ADAMTSL1: variants seen among roughly 807,000 people sequenced by gnomAD.
ADAMTSL1 encodes ADAMTS-like protein 1.
A neutral mutation model predicts 201.8 loss-of-function variants in ADAMTSL1; 126 were observed. The observed-to-expected ratio is 0.62, with a 90% CI of 0.54 to 0.72. The LOEUF (loss-of-function observed/expected upper bound fraction) is 0.72. ADAMTSL1 is among the 30% of genes least tolerant of loss of function. The pLI is 0.00. For missense variants in ADAMTSL1, 2,679 were observed against 2,277.8 expected (o/e 1.18, Z -3.59); for synonymous variants, 1,121 against 903.4 (o/e 1.24, Z -4.32).
At chr9:18,481,510 T>A (rs1021576067) in intron 1 of ADAMTSL1, among the ~76,000 whole-genome samples, 1 of 152,174 alleles carries the variant, frequency 6.6e-6, no homozygotes, top group African/African-American at 2.4e-5. Flanking sequence ...AGTTTTTTTT[T>A]TTTTTAATTT....
intron 23 of ADAMTSL1, among the ~76,000 whole-genome samples, chr9:18,869,298 C>T (rs1827738847): frequency 6.6e-6 from 1 of 152,186 alleles, no homozygotes. Flanking sequence ...CCAAGGCCAC[C>T]CAGTTTGTGG....
At chr9:17,955,744 T>C (rs1827904165) in intron 1 of ADAMTSL1, among the ~76,000 whole-genome samples, 1 of 152,194 alleles carries the variant, frequency 6.6e-6, no homozygotes, top group Non-Finnish European at 1.5e-5. Flanking sequence ...TACTTTATTA[T>C]TATAGTTGTT....
At chr9:18,595,330 A>T (rs1298698279) in intron 4 of ADAMTSL1, among the ~76,000 whole-genome samples, 1 of 152,150 alleles carries the variant, frequency 6.6e-6, no homozygotes, top group Non-Finnish European at 1.5e-5. Flanking sequence ...ATTGGATCAG[A>T]TGGACATGCA....
At chr9:18,136,862 A>T (rs1033332915) in intron 1 of ADAMTSL1, among the ~76,000 whole-genome samples, 1 of 152,134 alleles carries the variant, frequency 6.6e-6, no homozygotes, top group African/African-American at 2.4e-5. Context: ...CTGCCTTTTA[A>T]AACAGTCACA....
At chr9:17,960,078 C>G (rs1406909150) in intron 1 of ADAMTSL1, among the ~76,000 whole-genome samples, 1 of 152,160 alleles carries the variant, frequency 6.6e-6, no homozygotes, top group African/African-American at 2.4e-5. Flanking sequence ...TGATTTCTGG[C>G]TTCATGATCC....
intron 2 of ADAMTSL1, among the ~76,000 whole-genome samples, chr9:18,315,740 C>G (rs1316713013): frequency 6.6e-6 from 1 of 152,194 alleles, no homozygotes; most frequent in Non-Finnish European, 1.5e-5. Context: ...GCAGAGGGAG[C>G]TAGCTCCGGC....
intron 2 of ADAMTSL1, among the ~76,000 whole-genome samples, chr9:18,290,490 G>T (rs1424265196): frequency 6.6e-6 from 1 of 152,116 alleles, no homozygotes; most frequent in Non-Finnish European, 1.5e-5. Flanking sequence ...GCCCCACAAA[G>T]CTAATAGCCA....
intron 1 of ADAMTSL1, among the ~76,000 whole-genome samples, chr9:18,022,653 T>G (rs962884920): frequency 6.6e-6 from 1 of 152,118 alleles, no homozygotes; most frequent in African/African-American, 2.4e-5. Flanking sequence ...ATGGAAACAG[T>G]CTTTACTAAG....
intron 2 of ADAMTSL1, among the ~76,000 whole-genome samples, chr9:18,181,484 A>G (rs1269216733): frequency 6.6e-6 from 1 of 151,870 alleles, no homozygotes; most frequent in African/African-American, 2.4e-5. Context: ...AAGGATATGA[A>G]CAGACACTTC....
intron 23 of ADAMTSL1, among the ~76,000 whole-genome samples, chr9:18,838,831 G>A (rs1008793851): frequency 3.4e-5 from 5 of 149,200 alleles, no homozygotes; most frequent in African/African-American, 4.9e-5. Flanking sequence ...AGCTATAATC[G>A]CACCACTACA....
chr9:18,231,681 C>T (rs978495024), intron 2 of ADAMTSL1, among the ~76,000 whole-genome samples: 1 of 152,154 alleles, frequency 6.6e-6, no homozygotes, highest in African/African-American at 2.4e-5. Flanking sequence ...CTTGAATATC[C>T]AACTGTGATA....
chr9:17,944,437 C>G (rs1355418668), intron 1 of ADAMTSL1, among the ~76,000 whole-genome samples: 2 of 152,092 alleles, frequency 1.3e-5, no homozygotes, highest in Non-Finnish European at 2.9e-5. Flanking sequence ...CTACCAAGGA[C>G]TTTCTTCACA....
intron 16 of ADAMTSL1, among the ~76,000 whole-genome samples, chr9:18,769,724 C>T (rs1588075706): frequency 2.6e-5 from 4 of 152,206 alleles, no homozygotes; most frequent in East Asian, 1.9e-4. Flanking sequence ...AAAGCACACA[C>T]AACCCTTCCG....
intron 19 of ADAMTSL1, among the ~76,000 whole-genome samples, chr9:18,783,657 G>A (rs1215863769): frequency 6.6e-6 from 1 of 152,190 alleles, no homozygotes; most frequent in Non-Finnish European, 1.5e-5. Flanking sequence ...ATTGAGCACA[G>A]AGCTGTTAGG....
At chr9:18,835,174 A>G (rs1045303286) in intron 23 of ADAMTSL1, among the ~76,000 whole-genome samples, 13 of 152,064 alleles carry the variant, frequency 8.5e-5, no homozygotes, top group Admixed American at 3.3e-4. Flanking sequence ...CTGTGTGTGT[A>G]GTGGTTTCTC....
chr9:18,555,904 A>G (rs1375603514), intron 3 of ADAMTSL1, among the ~76,000 whole-genome samples: 2 of 152,008 alleles, frequency 1.3e-5, no homozygotes, highest in Non-Finnish European at 2.9e-5. Flanking sequence ...TGAGGTATTT[A>G]TTGCATTGCC....
At chr9:18,724,090 G>T (rs1478091675) in intron 15 of ADAMTSL1, among the ~76,000 whole-genome samples, 2 of 152,150 alleles carry the variant, frequency 1.3e-5, no homozygotes, top group Admixed American at 1.3e-4. Flanking sequence ...GTCTTGGTCT[G>T]TGCTGCTATG....
intron 2 of ADAMTSL1, among the ~76,000 whole-genome samples, chr9:18,272,546 G>A (rs1490536256): frequency 2.0e-5 from 3 of 152,140 alleles, no homozygotes; most frequent in African/African-American, 7.2e-5. Flanking sequence ...CATAGGCATG[G>A]GCAATGAAAT....
chr9:18,410,674 A>T (rs191850432), intron 2 of ADAMTSL1, among the ~76,000 whole-genome samples: 2 of 152,308 alleles, frequency 1.3e-5, no homozygotes, highest in African/African-American at 4.8e-5. Context: ...TAGTGCTACA[A>T]TGAACAAACA....
Sources: allele counts gnomAD v4.1 joint callset (sites outside exome capture counted in the v4.1 genomes callset), GRCh38; gene constraint gnomAD v4.1.1; transcripts MANE v1.5; gene names NCBI Gene and HGNC (gene_info 2026-07-23, HGNC 2026-07-21).